OFD1: variants seen among roughly 807,000 people sequenced by gnomAD.
OFD1 encodes the protein OFD1 centriole and centriolar satellite protein, also known as centriole and centriolar satellite protein OFD1.
OFD1 carries 12 observed loss-of-function variants against 81.4 expected under a neutral mutation model. That is an observed-to-expected ratio of 0.15 (90% confidence interval 0.09 to 0.24). The LOEUF (loss-of-function observed/expected upper bound fraction) is 0.24. Ranked by LOEUF, OFD1 falls within the 10% of genes least tolerant of loss-of-function variation. The pLI, the probability that OFD1 is intolerant of heterozygous loss-of-function variation, is 1.00. For missense variants in OFD1, 685 were observed against 733.9 expected, an observed-to-expected ratio of 0.93 and a Z score of 0.77; for synonymous variants, 256 against 263.7, an observed-to-expected ratio of 0.97 and a Z score of 0.28.
chrX:13,722,915 T>A, the OFD1 span, among the ~76,000 whole-genome samples: 2 of 109,622 alleles, frequency 1.8e-5, no homozygotes, highest in African/African-American at 6.7e-5. Context: ...TACAAAAAAT[T>A]AGCCGAGTGT....
chrX:13,767,357 G>C, intron 20 of OFD1, 73 bp downstream of exon 20: 8 of 1,072,414 alleles, frequency 7.5e-6, no homozygotes, highest in Non-Finnish European at 1.0e-5. Flanking sequence ...TGAGCTCAGG[G>C]AGGGGAGTCA....
At chrX:13,734,281 A>G (rs2046755769), upstream of OFD1, 1 of 365,765 alleles carries the variant, frequency 2.7e-6, no homozygotes, top group Non-Finnish European at 4.7e-6. Flanking sequence ...GCAACAGTGC[A>G]GCCGTTAAGA....
chrX:13,733,180 T>C (rs755565729), upstream of OFD1, among the ~76,000 whole-genome samples: 132 of 110,914 alleles, frequency 1.2e-3, 1 homozygote, highest in African/African-American at 4.1e-3. Flanking sequence ...TGATTCTACT[T>C]AACAACATTT....
the OFD1 span, among the ~76,000 whole-genome samples, chrX:13,718,893 T>C: frequency 1.8e-5 from 2 of 111,573 alleles, no homozygotes; most frequent in Non-Finnish European, 3.8e-5. Flanking sequence ...TAGTGGCTCA[T>C]GTCTGCAATC....
In OFD1 at chrX:13,757,738, A is replaced by T; in HGVS notation, c.1490A>T (p.His497Leu). 1 of 1,211,174 alleles carries T rather than the reference A, an allele frequency of 8.3e-7. No homozygotes were observed. The highest frequency in any genetic ancestry group is 1.1e-6 in the Non-Finnish European group (1 of 895,268). The change falls in exon 14 of 23, where the codon CAT becomes CTT. Residue 497 changes from histidine (H) to leucine (L), a missense_variant. Around this residue, in one of 3 missense-constraint regions of OFD1, gnomAD observed 414 missense variants for 447.2 expected, o/e 0.93. Coordinates refer to ENST00000340096, the MANE Select transcript of OFD1 (RefSeq NM_003611.3). ...RKAEKAIVVE[H>L]EEFESCRQAL... Reference sequence around the variant, plus strand: ...GCCGAAAAGGCTATAGTGGTTGAGCATGAGGAGTTCGAAAGCTGCAGGCAA... The same window carrying T: ...GCCGAAAAGGCTATAGTGGTTGAGCTTGAGGAGTTCGAAAGCTGCAGGCAA...
At chrX:13,751,608 C>T (rs886988246) in intron 10 of OFD1, among the ~76,000 whole-genome samples, 2 of 111,239 alleles carry the variant, frequency 1.8e-5, no homozygotes, top group African/African-American at 3.3e-5. Flanking sequence ...CTGAGGTGGG[C>T]GGATCACCTG....
At chrX:13,715,851 C>T in the OFD1 span, 2 of 987,567 alleles carry the variant, frequency 2.0e-6, no homozygotes, top group African/African-American at 3.9e-5. Flanking sequence ...TGAAGACTTA[C>T]CTGCGGAGGG....
intron 6 of OFD1, among the ~76,000 whole-genome samples, 181 bp downstream of exon 6, chrX:13,744,700 C>T (rs921703195): frequency 3.6e-5 from 4 of 112,099 alleles, no homozygotes; most frequent in African/African-American, 1.3e-4. Flanking sequence ...CAGTGTCATT[C>T]CCTAGCCTCA....
rs1235406438 is a variant in OFD1, at chrX:13,767,240, T to C, written c.2713T>C (p.Leu905=). Residue 905 remains leucine (L), a synonymous_variant, in exon 20 of 23, where the codon TTA becomes CTA. Coordinates refer to ENST00000340096, the MANE Select transcript of OFD1 (RefSeq NM_003611.3). ...AAGGCAGAGTAACCTACAAGAAGTT[T>C]TAGAAAGGGAACGAAGAGAACTAGA... ...ERRQSNLQEV[L]ERERRELEKL... is the part of the protein sequence containing the mutation. The C allele has an allele frequency of 1.7e-6, 2 of 1,209,591 alleles. No homozygotes were observed. Among genetic ancestry groups the C allele is most frequent in the Non-Finnish European group, 2.2e-6 (2 of 894,695 alleles).
chrX:13,737,607 C>T (rs1012465679), intron 3 of OFD1, among the ~76,000 whole-genome samples: 2 of 109,426 alleles, frequency 1.8e-5, no homozygotes, highest in Non-Finnish European at 1.9e-5. Context: ...TGCAGTGAGC[C>T]GAGATCATGC....
chrX:13,758,001 G>A (rs190445256), intron 14 of OFD1, among the ~76,000 whole-genome samples: 145 of 111,917 alleles, frequency 1.3e-3, no homozygotes, highest in African/African-American at 4.6e-3. Flanking sequence ...GGAGAAGAAA[G>A]CAAACTCACC....
At chrX:13,727,864 AAGAAGAAAACAG>A in the OFD1 span, among the ~76,000 whole-genome samples, 61 of 112,010 alleles carry the variant, frequency 5.4e-4, no homozygotes, top group African/African-American at 1.9e-3. Context: ...AAGACTAATA[AAGAAGAAAACAG>A]AGAAGAATCA....
chrX:13,717,469 C>T, the OFD1 span, among the ~76,000 whole-genome samples: 4 of 111,825 alleles, frequency 3.6e-5, no homozygotes, highest in East Asian at 2.8e-4. Context: ...TGGCCAGGCG[C>T]GGTGGCTTAT....
At chrX:13,722,931 T>G in the OFD1 span, among the ~76,000 whole-genome samples, 1 of 109,809 alleles carries the variant, frequency 9.1e-6, no homozygotes. Context: ...AGTGTGGTGG[T>G]GGGCACCTGT....
chrX:13,729,085 G>A, the OFD1 span, among the ~76,000 whole-genome samples: 1 of 111,082 alleles, frequency 9.0e-6, no homozygotes, highest in Non-Finnish European at 1.9e-5. Context: ...CCACTGCTCA[G>A]TGAAATAAAA....
chrX:13,773,077 G>C, downstream of OFD1: 1 of 1,117,933 alleles, frequency 8.9e-7, no homozygotes, highest in Non-Finnish European at 1.2e-6. Context: ...TTGTGAGAAG[G>C]CAAAGCGAGG....
chrX:13,765,790 G>A (rs5978662), intron 19 of OFD1, among the ~76,000 whole-genome samples: 29,019 of 111,201 alleles, frequency 0.26, 2,954 homozygotes, highest in Non-Finnish European at 0.32. Flanking sequence ...GATGCAGAGG[G>A]AACAGACAAG....
chrX:13,760,016 A>G, intron 15 of OFD1, 99 bp from the exon 16 acceptor site: 6 of 1,070,560 alleles, frequency 5.6e-6, no homozygotes, highest in Non-Finnish European at 7.8e-6. Flanking sequence ...GTTTGTCCTT[A>G]TTACTCTCTT....
chrX:13,747,789 C>T (rs1259398107), intron 8 of OFD1, among the ~76,000 whole-genome samples: 1 of 111,164 alleles, frequency 9.0e-6, no homozygotes, highest in Non-Finnish European at 1.9e-5. Context: ...GGTGAAGGTC[C>T]CTGGGGTAAA....
Sources: allele counts gnomAD v4.1 joint callset (sites outside exome capture counted in the v4.1 genomes callset), GRCh38; gene constraint gnomAD v4.1.1; regional missense constraint gnomAD v4.1.1; transcripts MANE v1.5; gene names NCBI Gene and HGNC (gene_info 2026-07-23, HGNC 2026-07-21).